Variants in METTL16 observed in about 807,000 individuals in gnomAD.
The protein encoded by METTL16 is RNA N(6)-adenosine-methyltransferase METTL16.
Under a neutral mutation model 57.9 loss-of-function variants are expected in METTL16, and 19 were observed. The ratio of observed to expected loss-of-function variants is 0.33; its 90% CI spans 0.23 to 0.48. The LOEUF is 0.48. Ranked by LOEUF, METTL16 falls within the 20% of genes least tolerant of loss-of-function variation. The pLI, the probability that METTL16 is intolerant of heterozygous loss-of-function variation, is 0.99. For synonymous variants in METTL16, 246 were observed against 255.6 expected (o/e 0.96, Z 0.36); for missense variants, 434 against 691.5 (o/e 0.63, Z 4.18).
At chr17:2,426,978 T>C (rs1298868029) in intron 8 of METTL16, among the ~76,000 whole-genome samples, 2 of 71,504 alleles carry the variant, frequency 2.8e-5, no homozygotes, top group Non-Finnish European at 5.1e-5. Context: ...CTACTAAAAA[T>C]ACGAAAAAAA....
At chr17:2,467,927 A>C in intron 4 of METTL16, 51 bp from the exon 5 acceptor site, 1 of 1,293,882 alleles carries the variant, frequency 7.7e-7, no homozygotes, top group Non-Finnish European at 1.1e-6. Context: ...CAGTGGTTCT[A>C]AAGTATAACC....
rs571598983 is a variant in METTL16, at chr17:2,476,625, G to A, written c.328+1061C>T. On this transcript the variant is annotated intron_variant, in intron 3 of 9. Transcript: ENST00000263092. ...CAAATATCAAAGTTAAACATTTACT[G>A]CTATCTAGAAATTAGGACTGCTATT... 9.8e-5 allele frequency among the ~76,000 whole-genome samples: 15 copies of A among 152,308 alleles called. No homozygotes were observed. The South Asian group carries it at 1.0e-3, about 11-fold the overall frequency.
intron 5 of METTL16, among the ~76,000 whole-genome samples, chr17:2,465,281 T>C (rs1265228196): frequency 1.3e-5 from 2 of 151,826 alleles, no homozygotes; most frequent in Non-Finnish European, 2.9e-5. Flanking sequence ...CGGTGGCTCA[T>C]GTCTGTCATC....
At chr17:2,432,412 T>C (rs973858375) in intron 8 of METTL16, among the ~76,000 whole-genome samples, 2 of 151,904 alleles carry the variant, frequency 1.3e-5, no homozygotes, top group Non-Finnish European at 2.9e-5. Context: ...TATAAAATAA[T>C]ACAAAAATTA....
chr17:2,437,672 C>A (rs546471544), intron 8 of METTL16, among the ~76,000 whole-genome samples: 157 of 152,292 alleles, frequency 1.0e-3, no homozygotes, highest in African/African-American at 3.4e-3. Context: ...GTGCCTCAGC[C>A]TCCCGAGTAG....
intron 6 of METTL16, 114 bp from the exon 7 acceptor site, chr17:2,441,673 C>T: frequency 1.1e-5 from 6 of 540,664 alleles, no homozygotes; most frequent in Non-Finnish European, 1.8e-5. Flanking sequence ...TGAGTAAGGT[C>T]ACAAGTGAAA....
At chr17:2,507,474 C>T (rs1277914701) in intron 1 of METTL16, among the ~76,000 whole-genome samples, 3 of 150,458 alleles carry the variant, frequency 2.0e-5, no homozygotes, top group Admixed American at 6.6e-5. Flanking sequence ...CCCCTCTGCC[C>T]GGACAGCCGC....
chr17:2,505,981 T>C (rs974297042), intron 1 of METTL16, among the ~76,000 whole-genome samples: 4 of 151,940 alleles, frequency 2.6e-5, no homozygotes, highest in African/African-American at 9.7e-5. Context: ...CTATTCTTTT[T>C]TTTTTGAGAC....
chr17:2,449,132 T>C (rs778129860), intron 6 of METTL16, among the ~76,000 whole-genome samples: 2 of 152,044 alleles, frequency 1.3e-5, no homozygotes, highest in Non-Finnish European at 1.5e-5. Flanking sequence ...TACGGTAGCA[T>C]GAAAATACAT....
intron 8 of METTL16, among the ~76,000 whole-genome samples, chr17:2,429,069 G>A (rs918566217): frequency 2.0e-5 from 3 of 151,944 alleles, no homozygotes; most frequent in African/African-American, 7.3e-5. Flanking sequence ...TGTTGGTTGG[G>A]CTGGTCTCGA....
intron 3 of METTL16, chr17:2,475,364 T>C (rs938898628): frequency 1.3e-5 from 2 of 152,172 alleles, no homozygotes; most frequent in Non-Finnish European, 2.9e-5. Flanking sequence ...CCACAGTTCT[T>C]TGGCTGCTGC....
At chr17:2,488,643 T>G (rs1327934688) in intron 2 of METTL16, among the ~76,000 whole-genome samples, 3 of 152,036 alleles carry the variant, frequency 2.0e-5, no homozygotes, top group Non-Finnish European at 4.4e-5. Context: ...TTTGAGGATA[T>G]CAAGCTAAGT....
At chr17:2,461,188 A>G (rs2067147551) in intron 6 of METTL16, among the ~76,000 whole-genome samples, 1 of 152,024 alleles carries the variant, frequency 6.6e-6, no homozygotes, top group South Asian at 2.1e-4. Flanking sequence ...CCCCAACACT[A>G]CTAAAAAAAA....
chr17:2,501,383 T>C lies in METTL16; in HGVS notation c.128+821A>G, dbSNP rs539072056. Among the ~76,000 whole-genome samples, 5 of 152,306 alleles carry C rather than the reference T, an allele frequency of 3.3e-5. No homozygotes were observed. In the East Asian group the frequency reaches 9.6e-4, roughly 29 times the overall value. On this transcript the variant is annotated intron_variant, in intron 2 of 9. Coordinates refer to ENST00000263092, the MANE Select transcript of METTL16 (RefSeq NM_024086.4). ...GTTCAATGCTATCACAAGCTATGAC[T>C]GTGCCACTGCACTCCAGCTTGGGCA... is the stretch of plus-strand genomic sequence containing the variant.
At chr17:2,509,298 A>C (rs1181993538) in intron 1 of METTL16, among the ~76,000 whole-genome samples, 1 of 152,210 alleles carries the variant, frequency 6.6e-6, no homozygotes, top group Admixed American at 6.5e-5. Flanking sequence ...GCATACTGTT[A>C]CTACATTTTG....
intron 8 of METTL16, among the ~76,000 whole-genome samples, chr17:2,434,332 A>G (rs906407884): frequency 6.6e-6 from 1 of 152,136 alleles, no homozygotes; most frequent in African/African-American, 2.4e-5. Context: ...CTCCTGCCTC[A>G]GTCTCCCCAG....
intron 2 of METTL16, among the ~76,000 whole-genome samples, chr17:2,484,819 G>C (rs543641809): frequency 6.6e-6 from 1 of 152,236 alleles, no homozygotes; most frequent in African/African-American, 2.4e-5. Context: ...AGTTAATGTT[G>C]TGTGGATTTG....
intron 1 of METTL16, among the ~76,000 whole-genome samples, chr17:2,504,304 G>A (rs1167681336): frequency 6.6e-6 from 1 of 152,158 alleles, no homozygotes; most frequent in East Asian, 1.9e-4. Context: ...GGTGATGGTT[G>A]CACAAGAGAA....
chr17:2,420,258 C>G lies in METTL16; in HGVS notation c.1401G>C (p.Arg467Ser). Reference protein sequence around the residue: ...EENPEPTEDERSEEKGGVEVL... With the variant: ...EENPEPTEDESSEEKGGVEVL... Reference sequence around the variant, plus strand: ...CCTCCACCCCTCCCTTTTCCTCACTCCTTTCATCCTCCGTGGGTTCCGGGT... The same window carrying G: ...CCTCCACCCCTCCCTTTTCCTCACTGCTTTCATCCTCCGTGGGTTCCGGGT... Residue 467 changes from arginine (R) to serine (S), a missense_variant, in exon 10 of 10, where the codon AGG (arginine) becomes AGC (serine). Transcript: ENST00000263092. The surrounding 1 kb of genome is among the most constrained non-coding windows in gnomAD (Gnocchi z 5.4). 2 of 1,614,150 alleles carry G rather than the reference C, an allele frequency of 1.2e-6. No individual in the cohort carries two copies. Among genetic ancestry groups the G allele is most frequent in the Non-Finnish European group, 1.7e-6 (2 of 1,180,044 alleles).
Sources: gnomAD v4.1 joint callset for allele counts (sites outside exome capture counted in the v4.1 genomes callset) on GRCh38, gnomAD v4.1.1 for gene constraint, Gnocchi (gnomAD v3.1) non-coding constraint, MANE v1.5 for transcripts, NCBI Gene and HGNC (gene_info 2026-07-23, HGNC 2026-07-21) for gene names.